Variants in PCNX1 observed in about 807,000 individuals in gnomAD.
PCNX1 encodes pecanex 1, also known as pecanex-like protein 1.
In PCNX1, 78 loss-of-function variants were observed where a neutral mutation model predicts 242.2. The ratio of observed to expected loss-of-function variants is 0.32; its 90% CI spans 0.27 to 0.39. The LOEUF (loss-of-function observed/expected upper bound fraction) is 0.39. Ranked by LOEUF, PCNX1 falls within the 10% of genes least tolerant of loss-of-function variation. The pLI is 1.00. For missense variants in PCNX1, 2,581 were observed against 2,856.5 expected (o/e 0.90, Z 2.20); for synonymous variants, 1,024 against 1,032.9 (o/e 0.99, Z 0.17).
At chr14:71,087,123 G>A (rs2062014133) in intron 28 of PCNX1, among the ~76,000 whole-genome samples, 1 of 151,868 alleles carries the variant, frequency 6.6e-6, no homozygotes, top group Non-Finnish European at 1.5e-5. Context: ...ACTACCTTTA[G>A]TATTTTTTCT....
At chr14:70,957,886 C>T (rs557545478) in intron 2 of PCNX1, among the ~76,000 whole-genome samples, 4 of 152,008 alleles carry the variant, frequency 2.6e-5, no homozygotes, top group Admixed American at 6.6e-5. Context: ...GCTGTCTCTC[C>T]TTTCTGTGTT....
intron 26 of PCNX1, among the ~76,000 whole-genome samples, chr14:71,072,987 A>G (rs1370008672): frequency 6.6e-6 from 1 of 152,254 alleles, no homozygotes; most frequent in Admixed American, 6.5e-5. Context: ...AGTCAAAATT[A>G]AAGTTACTTT....
chr14:71,054,657 A>C (rs1595386959), intron 24 of PCNX1, among the ~76,000 whole-genome samples: 1 of 152,162 alleles, frequency 6.6e-6, no homozygotes, highest in South Asian at 2.1e-4. Flanking sequence ...CAAGAAAAAA[A>C]CGCAGCTAGT....
intron 2 of PCNX1, among the ~76,000 whole-genome samples, chr14:70,951,405 C>T (rs1038281852): frequency 2.0e-5 from 3 of 152,074 alleles, no homozygotes; most frequent in East Asian, 1.9e-4. Context: ...GAGATGGAGT[C>T]TTGCTCTGTT....
At chr14:70,979,409 G>T (rs114157159) in intron 6 of PCNX1, among the ~76,000 whole-genome samples, 29 of 152,080 alleles carry the variant, frequency 1.9e-4, no homozygotes, top group African/African-American at 6.7e-4. Context: ...CTGTCAGTGT[G>T]TGTTGGCCTC....
intron 8 of PCNX1, among the ~76,000 whole-genome samples, chr14:70,997,402 G>A (rs1487344967): frequency 1.3e-5 from 2 of 152,056 alleles, no homozygotes; most frequent in African/African-American, 4.8e-5. Flanking sequence ...AACAGTAGAT[G>A]ATTGTCCTCC....
intron 26 of PCNX1, among the ~76,000 whole-genome samples, chr14:71,067,860 T>C (rs1293397595): frequency 2.0e-5 from 3 of 152,106 alleles, no homozygotes; most frequent in Non-Finnish European, 2.9e-5. Context: ...CATTTCGTTA[T>C]ATATATCTAG....
At chr14:70,996,050 A>G in intron 8 of PCNX1, 125 bp downstream of exon 8, 5 of 696,422 alleles carry the variant, frequency 7.2e-6, no homozygotes, top group Middle Eastern at 2.5e-4. Flanking sequence ...CTTTTTACAT[A>G]GGATTTACCC....
chr14:70,932,762 G>A lies in PCNX1; in HGVS notation c.154-14153G>A, dbSNP rs185773212. On this transcript the variant is annotated intron_variant, in intron 1 of 35. Coordinates refer to ENST00000304743, the MANE Select transcript of PCNX1 (RefSeq NM_014982.3). ...CGAGTAGCTGGGATTACAGTCATGCGCCACCATGCCCGGCTAATTTTGTAT... is the reference window on the plus strand; with the variant it reads ...CGAGTAGCTGGGATTACAGTCATGCACCACCATGCCCGGCTAATTTTGTAT... Among the ~76,000 whole-genome samples, 22 of 151,946 alleles carry A rather than the reference G, an allele frequency of 1.4e-4. No individual in the cohort carries two copies. The East Asian group carries it at 3.9e-3, about 27-fold the overall frequency.
chr14:71,114,469 T>C lies in PCNX1; in HGVS notation c.*4534T>C, dbSNP rs1371126162. 6.6e-6 allele frequency: 1 copy of C among 152,434 alleles called. No homozygotes were observed. Among genetic ancestry groups the C allele is most frequent in the African/African-American group, 2.4e-5 (1 of 41,464 alleles). The allele number at this position is 152,434 out of a possible 1,614,324, so 9.4% of individuals were successfully genotyped here. A position where few individuals can be genotyped will look rare whatever the true frequency, so the allele number is the denominator to read the frequency against. On this transcript the variant is annotated 3_prime_UTR_variant, in exon 36 of 36. Transcript: ENST00000304743. ...TTTGAATCACCTCACCAGAGTCATC[T>C]GTCAAGAATTATGTATAACAATTTA...
chr14:70,985,892 G>C lies in PCNX1; in HGVS notation c.2312-2675G>C, dbSNP rs1236970641. On this transcript the variant is annotated intron_variant, in intron 6 of 35. Transcript: ENST00000304743. ...TTTCTCCCTTCTCTCTGATTCCCTAGTTAAAAGATTAAATTTTTTTTTTTT... is the reference window on the plus strand; with the variant it reads ...TTTCTCCCTTCTCTCTGATTCCCTACTTAAAAGATTAAATTTTTTTTTTTT... Among the ~76,000 whole-genome samples, 4 of 151,880 alleles carry C rather than the reference G, an allele frequency of 2.6e-5. 1 individual carries two copies. Among genetic ancestry groups the C allele is most frequent in the Middle Eastern group, 6.8e-3 (2 of 294 alleles).
Position 71,051,858 on chromosome 14 carries a change from G to A in PCNX1, c.4448-25G>A, listed in dbSNP as rs372513263. On this transcript the variant is annotated intron_variant, in intron 23 of 35. Coordinates refer to ENST00000304743, the MANE Select transcript of PCNX1 (RefSeq NM_014982.3). ...GGCATCTGTGCTCAGATGAATGTCA[G>A]TGTCCTTAACTAGTTTTCCCATAGA... 1,500 of 1,607,328 alleles carry A rather than the reference G, an allele frequency of 9.3e-4. 1 individual carries two copies. Among genetic ancestry groups the A allele is most frequent in the Non-Finnish European group, 1.1e-3 (1,333 of 1,177,348 alleles).
In PCNX1 at chr14:71,013,038, G is replaced by A. The variant is rs766991776; in HGVS notation, c.2832G>A (p.Leu944=). The part of the protein sequence containing the change: ...LNRLLTIDTD[L]LEQQDIDLSP... ...GACTATTGACCATTGATACAGATTT[G>A]TTGGAGCAACAGGACATTGATCTAA... Residue 944 remains leucine, a synonymous_variant, in exon 11 of 36, where the codon TTG becomes TTA. Transcript: ENST00000304743. 6.2e-7 allele frequency: 1 copy of A among 1,614,030 alleles called. No individual in the cohort carries two copies. The highest frequency in any genetic ancestry group is 1.7e-5 in the Admixed American group (1 of 60,018).
At chr14:70,986,806 A>T (rs1595146102) in intron 6 of PCNX1, among the ~76,000 whole-genome samples, 1 of 152,246 alleles carries the variant, frequency 6.6e-6, no homozygotes, top group Admixed American at 6.5e-5. Context: ...ATTGACCTGT[A>T]AATTGAGCAT....
At chr14:70,968,923 A>G in intron 4 of PCNX1, 98 bp from the exon 5 acceptor site, 2 of 683,210 alleles carry the variant, frequency 2.9e-6, no homozygotes, top group South Asian at 3.6e-5. Flanking sequence ...TAGTTGATAG[A>G]CATTAGTACT....
At chr14:71,031,767 C>A in intron 16 of PCNX1, 1 of 1,372,820 alleles carries the variant, frequency 7.3e-7, no homozygotes, top group Admixed American at 1.7e-5. Flanking sequence ...TGGGAAACTT[C>A]TCAGCCTCTT....
intron 5 of PCNX1, among the ~76,000 whole-genome samples, chr14:70,974,185 C>G (rs557089812): frequency 6.7e-6 from 1 of 150,358 alleles, no homozygotes; most frequent in East Asian, 1.9e-4. Context: ...AAAATATACG[C>G]CCATATACCA....
Position 71,003,080 on chromosome 14 carries a change from CTTTTTTT to C in PCNX1, c.2630-6540_2630-6534del, listed in dbSNP as rs3083307. ...TAAAAATCGGGTTGTTGGTTGTCTT[CTTTTTTT>C]TTTTTTTTTTTTTGAGACAGAGTCT... On this transcript the variant is annotated intron_variant, in intron 8 of 35. Transcript: ENST00000304743. Among the ~76,000 whole-genome samples, 10 of 95,474 alleles carry C rather than the reference CTTTTTTT, an allele frequency of 1.0e-4. No homozygotes were observed. The Admixed American group carries it at 1.1e-3, about 11-fold the overall frequency. 62.6% of individuals were successfully genotyped at this position (95,474 alleles called of 152,430 possible).
chr14:70,926,137 A>T (rs2056583479), intron 1 of PCNX1, among the ~76,000 whole-genome samples: 1 of 152,192 alleles, frequency 6.6e-6, no homozygotes. Flanking sequence ...GTGTTTTCCC[A>T]GGGATTTAGT....
Sources: allele counts gnomAD v4.1 joint callset (sites outside exome capture counted in the v4.1 genomes callset), GRCh38; gene constraint gnomAD v4.1.1; transcripts MANE v1.5; gene names NCBI Gene and HGNC (gene_info 2026-07-23, HGNC 2026-07-21).